Variants in NCK2 observed in about 807,000 individuals in gnomAD.
The protein encoded by NCK2 is cytoplasmic protein NCK2.
NCK2 carries 16 observed loss-of-function variants against 33.9 expected under a neutral mutation model. The ratio of observed to expected loss-of-function variants is 0.47; its 90% CI spans 0.32 to 0.72. The LOEUF (loss-of-function observed/expected upper bound fraction) is 0.72. Among genes scored for constraint, NCK2 ranks in the 30% least tolerant of loss-of-function variants. The pLI, the probability that NCK2 is intolerant of heterozygous loss-of-function variation, is 0.03. For synonymous variants in NCK2, 273 were observed against 239.9 expected (o/e 1.14, Z -1.27); for missense variants, 418 against 537.3 (o/e 0.78, Z 2.19).
At chr2:105,777,591 C>A (rs1237362488) in intron 1 of NCK2, among the ~76,000 whole-genome samples, 1 of 152,160 alleles carries the variant, frequency 6.6e-6, no homozygotes, top group Admixed American at 6.5e-5. Context: ...TTTAACATGA[C>A]CTGCTTTGGC....
chr2:105,835,409 G>GCATATA (rs1558862017), intron 2 of NCK2, among the ~76,000 whole-genome samples: 1 of 59,328 alleles, frequency 1.7e-5, no homozygotes, highest in Non-Finnish European at 3.3e-5. Context: ...ATATATACGT[G>GCATATA]TATATATATA....
At chr2:105,873,917 T>TGACTGTAGCAAGGGTCCCGG (rs1481371382) in intron 3 of NCK2, among the ~76,000 whole-genome samples, 1 of 152,152 alleles carries the variant, frequency 6.6e-6, no homozygotes, top group East Asian at 1.9e-4. Context: ...ATTTCCCCCA[T>TGACTGTAGCAAGGGTCCCGG]GACTGTAGCA....
intron 2 of NCK2, chr2:105,846,477 G>GAAAAA (rs34393156): frequency 6.6e-6 from 1 of 151,096 alleles, no homozygotes. Context: ...GATACTCACT[G>GAAAAA]AAAAAAAAAA....
chr2:105,780,809 C>T lies in NCK2; in HGVS notation c.-200-35621C>T, dbSNP rs545663213. Reference sequence around the variant, plus strand: ...CATGTGAGGACACAGCAAGAAGCCGCCGTGTAGGAACCAGGAAGGAGGCCC... The same window carrying T: ...CATGTGAGGACACAGCAAGAAGCCGTCGTGTAGGAACCAGGAAGGAGGCCC... On this transcript the variant is annotated intron_variant, in intron 1 of 4. Transcript: ENST00000233154. Among the ~76,000 whole-genome samples, 52 of 152,320 alleles carry T rather than the reference C, an allele frequency of 3.4e-4. 1 individual carries two copies. Among genetic ancestry groups the T allele is most frequent in the Non-Finnish European group, 5.4e-4 (37 of 68,018 alleles).
chr2:105,842,727 G>A (rs78573928), intron 2 of NCK2, among the ~76,000 whole-genome samples: 2,147 of 152,300 alleles, frequency 0.014, 43 homozygotes, highest in African/African-American at 0.049. Context: ...TCACAGCAAA[G>A]ACTGCAGGTG....
chr2:105,829,709 C>T (rs1676093373), intron 2 of NCK2, among the ~76,000 whole-genome samples: 1 of 152,152 alleles, frequency 6.6e-6, no homozygotes, highest in Non-Finnish European at 1.5e-5. Context: ...CATCAAGAGT[C>T]CATTCTGTCA....
At chr2:105,752,846 G>A (rs1689495050) in intron 1 of NCK2, among the ~76,000 whole-genome samples, 1 of 152,118 alleles carries the variant, frequency 6.6e-6, no homozygotes. Flanking sequence ...CTGATAACAT[G>A]TTAAGTACAA....
chr2:105,761,379 G>A (rs978407038), intron 1 of NCK2, among the ~76,000 whole-genome samples: 6 of 152,186 alleles, frequency 3.9e-5, no homozygotes, highest in African/African-American at 1.4e-4. Flanking sequence ...CAGAATTAAG[G>A]CCATTAGCCT....
At chr2:105,850,954 C>T (rs763390583) in intron 2 of NCK2, among the ~76,000 whole-genome samples, 8 of 152,190 alleles carry the variant, frequency 5.3e-5, no homozygotes, top group African/African-American at 1.9e-4. Flanking sequence ...TAAGAAACAG[C>T]GTCCAAGGGA....
At chr2:105,750,125 C>A (rs532973794) in intron 1 of NCK2, among the ~76,000 whole-genome samples, 3 of 151,558 alleles carry the variant, frequency 2.0e-5, no homozygotes, top group African/African-American at 7.3e-5. Flanking sequence ...TCTCACAGTT[C>A]TGGAGGCTGG....
intron 3 of NCK2, among the ~76,000 whole-genome samples, chr2:105,856,465 CAAG>C (rs1394748985): frequency 1.3e-5 from 2 of 152,114 alleles, no homozygotes; most frequent in East Asian, 3.8e-4. Flanking sequence ...AAATTTCTAA[CAAG>C]AGGATTTGTT....
At chr2:105,779,957 C>T (rs1690434552) in intron 1 of NCK2, among the ~76,000 whole-genome samples, 1 of 152,174 alleles carries the variant, frequency 6.6e-6, no homozygotes, top group African/African-American at 2.4e-5. Flanking sequence ...TACTTCACAG[C>T]TCAGCGAATT....
chr2:105,844,807 T>C (rs1388927171), intron 2 of NCK2, among the ~76,000 whole-genome samples: 1 of 147,794 alleles, frequency 6.8e-6, no homozygotes, highest in Non-Finnish European at 1.5e-5. Context: ...AATATATAAA[T>C]ATATATACAT....
intron 2 of NCK2, among the ~76,000 whole-genome samples, chr2:105,837,485 T>C (rs377763489): frequency 4.5e-4 from 69 of 152,184 alleles, no homozygotes; most frequent in African/African-American, 1.5e-3. Flanking sequence ...TAGTGAATCA[T>C]GTGACTATAC....
intron 1 of NCK2, among the ~76,000 whole-genome samples, chr2:105,752,561 C>G (rs1278370742): frequency 6.6e-6 from 1 of 152,108 alleles, no homozygotes; most frequent in Non-Finnish European, 1.5e-5. Flanking sequence ...ACATTGTATA[C>G]AGTGATGGGG....
chr2:105,763,952 A>G (rs1258254541), intron 1 of NCK2, among the ~76,000 whole-genome samples: 1 of 152,220 alleles, frequency 6.6e-6, no homozygotes, highest in East Asian at 1.9e-4. Flanking sequence ...TCATGTGTCA[A>G]TAATAATAGC....
chr2:105,887,187 G>A (rs1678755098), intron 4 of NCK2, among the ~76,000 whole-genome samples: 1 of 152,170 alleles, frequency 6.6e-6, no homozygotes, highest in African/African-American at 2.4e-5. Context: ...TGGTAAAACT[G>A]AAAGGCAGTT....
chr2:105,831,821 G>C (rs1230884884), intron 2 of NCK2, among the ~76,000 whole-genome samples: 2 of 152,042 alleles, frequency 1.3e-5, no homozygotes, highest in African/African-American at 2.4e-5. Context: ...GAAGTCATGT[G>C]GTGTGATGCC....
At chr2:105,879,308 T>C (rs1157226689) in intron 3 of NCK2, among the ~76,000 whole-genome samples, 1 of 152,248 alleles carries the variant, frequency 6.6e-6, no homozygotes, top group African/African-American at 2.4e-5. Context: ...CGTGAGGCCT[T>C]CCTGGTTGAG....
Sources: allele counts gnomAD v4.1 joint callset (sites outside exome capture counted in the v4.1 genomes callset), GRCh38; gene constraint gnomAD v4.1.1; transcripts MANE v1.5; gene names NCBI Gene and HGNC (gene_info 2026-07-23, HGNC 2026-07-21).